Variants in CAB39 observed in about 807,000 individuals in gnomAD.
CAB39 encodes the protein calcium binding protein 39, also known as calcium-binding protein 39.
CAB39 carries 8 observed loss-of-function variants against 40.0 expected under a neutral mutation model. That is an observed-to-expected ratio of 0.20 (90% CI 0.12 to 0.36). The LOEUF (loss-of-function observed/expected upper bound fraction) is 0.36, where lower values mean the gene tolerates loss of function less well. CAB39 is among the 10% of genes least tolerant of loss of function. The probability of loss-of-function intolerance (pLI) is 1.00; values close to 1 mark genes in which losing one functional copy is unlikely to be tolerated. For synonymous variants in CAB39, 156 were observed against 141.6 expected, an observed-to-expected ratio of 1.10 and a Z score of -0.72; for missense variants, 270 against 401.1, an observed-to-expected ratio of 0.67 and a Z score of 2.79.
chr2:230,727,703 CTG>C (rs773107856), intron 1 of CAB39, among the ~76,000 whole-genome samples: 26 of 152,096 alleles, frequency 1.7e-4, no homozygotes, highest in Non-Finnish European at 3.2e-4. Flanking sequence ...GTGTAAGCCT[CTG>C]TGCCTGGCCT....
chr2:230,784,166 C>T (rs767461931), intron 2 of CAB39, among the ~76,000 whole-genome samples: 17 of 151,798 alleles, frequency 1.1e-4, no homozygotes, highest in African/African-American at 1.7e-4. Flanking sequence ...GCTATTGGGG[C>T]GAGGTGAAGA....
At chr2:230,744,917 C>T (rs1185541285) in intron 1 of CAB39, among the ~76,000 whole-genome samples, 1 of 152,196 alleles carries the variant, frequency 6.6e-6, no homozygotes, top group African/African-American at 2.4e-5. Context: ...GCTACTAAAG[C>T]AAAGCCCACT....
chr2:230,747,303 G>T (rs780913574), intron 1 of CAB39, among the ~76,000 whole-genome samples: 8 of 152,244 alleles, frequency 5.3e-5, no homozygotes, highest in African/African-American at 1.4e-4. Flanking sequence ...CTGAGGAGGG[G>T]TTACCCCCAT....
intron 2 of CAB39, among the ~76,000 whole-genome samples, chr2:230,788,833 A>G (rs559401480): frequency 7.9e-5 from 12 of 152,144 alleles, no homozygotes; most frequent in Non-Finnish European, 1.6e-4. Context: ...AAGATTCTTT[A>G]TCACTGAATT....
At chr2:230,794,284 A>G (rs1044595135) in intron 4 of CAB39, among the ~76,000 whole-genome samples, 7 of 151,988 alleles carry the variant, frequency 4.6e-5, no homozygotes, top group South Asian at 4.1e-4. Flanking sequence ...CCCTCTTTCT[A>G]TTTCTAACCA....
At chr2:230,799,898 G>A (rs1219682554) in intron 5 of CAB39, among the ~76,000 whole-genome samples, 2 of 151,802 alleles carry the variant, frequency 1.3e-5, no homozygotes, top group Non-Finnish European at 2.9e-5. Flanking sequence ...GCTGAGGCAG[G>A]AGAATCGCTT....
In CAB39 at chr2:230,715,276, G is replaced by A. The variant is rs572802733; in HGVS notation, c.-44+2046G>A. ...ACCTCAGATGAAATGCAGTAGTTAG[G>A]CTTAATAACTACTAGTGTGGACAGA... On this transcript the variant is annotated intron_variant, in intron 1 of 8. Transcript: ENST00000258418. 5.0e-4 allele frequency among the ~76,000 whole-genome samples: 76 copies of A among 152,288 alleles called. 1 individual carries two copies. The highest frequency in any genetic ancestry group is 1.6e-3 in the African/African-American group (68 of 41,548).
intron 4 of CAB39, among the ~76,000 whole-genome samples, chr2:230,796,710 A>G (rs1163140863): frequency 6.6e-6 from 1 of 152,040 alleles, no homozygotes; most frequent in Non-Finnish European, 1.5e-5. Context: ...ACAAATGAGT[A>G]CTACAGGATT....
In CAB39 at chr2:230,817,811, A is replaced by G; in HGVS notation, c.751A>G (p.Ser251Gly). ...CTTCACAATTATGACAAAATACATC[A>G]GTAAACCTGAGAACCTCAAATTAAT... is the stretch of plus-strand genomic sequence containing the variant. Reference protein sequence around the residue: ...HNFTIMTKYISKPENLKLMMN... With the variant: ...HNFTIMTKYIGKPENLKLMMN... The change falls in exon 8 of 9, where the codon AGT (serine) becomes GGT (glycine). Residue 251 changes from serine to glycine, a missense_variant. Transcript: ENST00000258418. The G allele has an allele frequency of 6.2e-7, 1 of 1,612,796 alleles. No homozygotes were observed. Among genetic ancestry groups the G allele is most frequent in the South Asian group, 1.1e-5 (1 of 91,000 alleles).
At chr2:230,777,004 G>A (rs1400204902) in intron 2 of CAB39, among the ~76,000 whole-genome samples, 1 of 152,028 alleles carries the variant, frequency 6.6e-6, no homozygotes, top group East Asian at 1.9e-4. Flanking sequence ...CACTTTTTTA[G>A]TTTTACTTTA....
chr2:230,715,404 C>T (rs1240223860), intron 1 of CAB39, among the ~76,000 whole-genome samples: 2 of 152,170 alleles, frequency 1.3e-5, no homozygotes, highest in Non-Finnish European at 2.9e-5. Context: ...TGTGTGTTGT[C>T]ATGAGGTGTG....
intron 1 of CAB39, among the ~76,000 whole-genome samples, chr2:230,738,791 A>G (rs1205840884): frequency 6.6e-6 from 1 of 152,258 alleles, no homozygotes; most frequent in East Asian, 1.9e-4. Context: ...AGCAATGCTT[A>G]GACCTTGAAG....
At chr2:230,793,413 T>G (rs954502476) in intron 4 of CAB39, 82 bp downstream of exon 4, 2 of 604,656 alleles carry the variant, frequency 3.3e-6, no homozygotes, top group Admixed American at 5.6e-5. Flanking sequence ...GGATGCTGAA[T>G]GTGGGAAGCA....
intron 2 of CAB39, among the ~76,000 whole-genome samples, chr2:230,783,111 G>A (rs1216523626): frequency 6.6e-6 from 1 of 152,180 alleles, no homozygotes; most frequent in Non-Finnish European, 1.5e-5. Context: ...ACAGGCGTGA[G>A]CCACTGCGCC....
intron 6 of CAB39, 46 bp from the exon 7 acceptor site, chr2:230,814,003 T>TTTTTTTTTTG: frequency 6.6e-6 from 3 of 455,930 alleles, no homozygotes; most frequent in Non-Finnish European, 1.2e-5. Flanking sequence ...TTTTTTTTTT[T>TTTTTTTTTTG]TTTTTTTTTG....
chr2:230,814,233 C>A, intron 7 of CAB39, 119 bp downstream of exon 7: 2 of 567,704 alleles, frequency 3.5e-6, no homozygotes, highest in Non-Finnish European at 3.1e-6. Flanking sequence ...AATACCTTTG[C>A]CGAGGGTCAA....
intron 2 of CAB39, among the ~76,000 whole-genome samples, chr2:230,790,627 G>GT (rs907703406): frequency 7.2e-5 from 11 of 152,142 alleles, no homozygotes; most frequent in African/African-American, 2.4e-4. Context: ...ATGGTTTTCA[G>GT]TGTTTGGGTG....
rs555719297 is a variant in CAB39, at chr2:230,734,005, T to G, written c.-44+20775T>G. On this transcript the variant is annotated intron_variant, in intron 1 of 8. Transcript: ENST00000258418. ...AGATATCCATCCCCAAAAGTAGATA[T>G]GCAGAGTATATGGAAGAATAAGACA... 3.3e-5 allele frequency among the ~76,000 whole-genome samples: 5 copies of G among 152,348 alleles called. No homozygotes were observed. The South Asian group carries it at 1.0e-3, about 32-fold the overall frequency.
At chr2:230,765,010 C>T (rs1057415051) in intron 2 of CAB39, among the ~76,000 whole-genome samples, 1 of 151,920 alleles carries the variant, frequency 6.6e-6, no homozygotes, top group Non-Finnish European at 1.5e-5. Flanking sequence ...TTTTTTGAGA[C>T]GGAGTCTCGC....
Sources: gnomAD v4.1 joint callset for allele counts (sites outside exome capture counted in the v4.1 genomes callset) on GRCh38, gnomAD v4.1.1 for gene constraint, MANE v1.5 for transcripts, NCBI Gene and HGNC (gene_info 2026-07-23, HGNC 2026-07-21) for gene names.